The following KIAA0586 variants were observed in gnomAD, a reference collection of about 807,000 sequenced individuals.
KIAA0586 encodes the protein protein TALPID3.
KIAA0586 carries 144 observed loss-of-function variants against 169.8 expected under a neutral mutation model. The ratio of observed to expected loss-of-function variants is 0.85; its 90% CI spans 0.74 to 0.97. The LOEUF is 0.97. KIAA0586 is among the 50% of genes least tolerant of loss of function. The pLI is 0.00. For missense variants in KIAA0586, 1,854 were observed against 1,823.0 expected (o/e 1.02, Z -0.31); for synonymous variants, 625 against 612.4 (o/e 1.02, Z -0.30).
chr14:58,442,126 T>A (rs2038437727), intron 4 of KIAA0586: 1 of 152,470 alleles, frequency 6.6e-6, no homozygotes, highest in Non-Finnish European at 1.5e-5. Flanking sequence ...TTTGTTTGTT[T>A]TGAGACAGAG....
At chr14:58,561,264 C>T in the KIAA0586 span, among the ~76,000 whole-genome samples, 1 of 152,040 alleles carries the variant, frequency 6.6e-6, no homozygotes, top group African/African-American at 2.4e-5. Context: ...GTTGGTTTTC[C>T]TTTTTCTTGC....
In KIAA0586 at chr14:58,444,913, A is replaced by AG. The variant is rs71448955; in HGVS notation, c.807+740dup. Reference sequence around the variant, plus strand: ...TTGATGTAGCAAGACCTCATCTCTTAGGAAAAAAAAAAAAAAAAAAAAAAA... The same window carrying AG: ...TTGATGTAGCAAGACCTCATCTCTTAGGGAAAAAAAAAAAAAAAAAAAAAAA... On this transcript the variant is annotated intron_variant, in intron 6 of 30. Transcript: ENST00000652326. Among the ~76,000 whole-genome samples the AG allele has an allele frequency of 6.9e-3, 572 of 82,484 alleles. 84 individuals carry two copies. The highest frequency in any genetic ancestry group is 0.013 in the South Asian group (28 of 2,082). The allele number at this position is 82,484 out of a possible 152,430, so 54.1% of individuals were successfully genotyped here.
At position 58,542,435 on chromosome 14, in the gene KIAA0586, C is replaced by T. The variant is rs1004603447; in HGVS notation, c.4495+2299C>T. Among the ~76,000 whole-genome samples, 16 of 151,952 alleles carry T rather than the reference C, an allele frequency of 1.1e-4. No individual in the cohort carries two copies. In the East Asian group the frequency reaches 2.9e-3, roughly 28 times the overall value. ...GAGGTTGCAGTGAGCCAAGATCATG[C>T]CATTGCACTCCAGCCTGGGTGACAG... On this transcript the variant is annotated intron_variant, in intron 30 of 30. Transcript: ENST00000652326.
intron 6 of KIAA0586, among the ~76,000 whole-genome samples, chr14:58,447,626 T>C (rs1488530255): frequency 6.6e-6 from 1 of 151,510 alleles, no homozygotes; most frequent in Non-Finnish European, 1.5e-5. Flanking sequence ...GATTACAGGC[T>C]CCCACCACCA....
At chr14:58,537,020 G>T in intron 29 of KIAA0586, 1 of 1,276,678 alleles carries the variant, frequency 7.8e-7, no homozygotes. Context: ...TGATCAGCAG[G>T]ATAAAGAATT....
At chr14:58,495,194 T>G (rs2043082196) in intron 26 of KIAA0586, among the ~76,000 whole-genome samples, 1 of 152,214 alleles carries the variant, frequency 6.6e-6, no homozygotes, top group Non-Finnish European at 1.5e-5. Flanking sequence ...GAAGTTAGAA[T>G]TCTATCTTCT....
Position 58,539,822 on chromosome 14 carries a change from T to A in KIAA0586, c.4430-249T>A, listed in dbSNP as rs1402392027. ...TTCAGATTTTCTCATGACCCTTTGCTTCCCCCCCCCATCTGTGATGCATAA... is the reference window on the plus strand; with the variant it reads ...TTCAGATTTTCTCATGACCCTTTGCATCCCCCCCCCATCTGTGATGCATAA... On this transcript the variant is annotated intron_variant, in intron 29 of 30. Transcript: ENST00000652326. 2.6e-5 allele frequency: 8 copies of A among 304,858 alleles called. No homozygotes were observed. In the Admixed American group the frequency reaches 2.9e-4, roughly 11 times the overall value. The allele number at this position is 304,858 out of a possible 1,614,324, so 18.9% of individuals were successfully genotyped here.
chr14:58,453,464 A>T lies in KIAA0586; in HGVS notation c.1244A>T (p.Lys415Ile). 1 of 1,510,000 alleles carries T rather than the reference A, an allele frequency of 6.6e-7. No homozygotes were observed. Among genetic ancestry groups the T allele is most frequent in the Non-Finnish European group, 8.8e-7 (1 of 1,133,396 alleles). 93.5% of individuals were successfully genotyped at this position (1,510,000 alleles called of 1,614,324 possible). ...TRSKIGWTPE[K>I]TNRFPSCEEL... ...TCAAAAATAGGATGGACTCCTGAGA[A>T]AACAAACAGGTAAAAACAAGAGATT... is the stretch of plus-strand genomic sequence containing the variant. Residue 415 changes from lysine (K) to isoleucine (I), a missense_variant, in exon 9 of 31, where the codon AAA becomes ATA. Transcript: ENST00000652326.
At chr14:58,513,118 T>G (rs2044508366) in intron 29 of KIAA0586, among the ~76,000 whole-genome samples, 1 of 152,060 alleles carries the variant, frequency 6.6e-6, no homozygotes, top group African/African-American at 2.4e-5. Context: ...TACCTTTAAT[T>G]CCACAGTCAG....
chr14:58,482,077 G>A (rs562232549), intron 20 of KIAA0586, among the ~76,000 whole-genome samples: 3 of 151,616 alleles, frequency 2.0e-5, no homozygotes, highest in South Asian at 2.1e-4. Flanking sequence ...CTCCCAAAGT[G>A]CTGGGATTAC....
chr14:58,536,301 T>C (rs1392788490), intron 29 of KIAA0586, among the ~76,000 whole-genome samples: 1 of 152,084 alleles, frequency 6.6e-6, no homozygotes, highest in Non-Finnish European at 1.5e-5. Flanking sequence ...CTGCCCCCCC[T>C]TCGCTGGCTT....
intron 29 of KIAA0586, among the ~76,000 whole-genome samples, chr14:58,527,007 T>C (rs2045634570): frequency 6.6e-6 from 1 of 151,966 alleles, no homozygotes; most frequent in South Asian, 2.1e-4. Context: ...GAGAAGAACA[T>C]AAATGACCTG....
chr14:58,551,683 T>C (rs2140172196), downstream of KIAA0586, among the ~76,000 whole-genome samples: 1 of 152,194 alleles, frequency 6.6e-6, no homozygotes, highest in South Asian at 2.1e-4. Flanking sequence ...GGAGAATTGC[T>C]TGAACCCAGG....
intron 30 of KIAA0586, among the ~76,000 whole-genome samples, chr14:58,541,019 A>G (rs182617319): frequency 2.3e-4 from 35 of 152,346 alleles, no homozygotes; most frequent in Non-Finnish European, 1.3e-4. Flanking sequence ...GTGTACAGGA[A>G]AAATGCTTCA....
rs1381385277 is a variant in KIAA0586, at chr14:58,550,526, G to A, written c.*2594G>A. On this transcript the variant is annotated 3_prime_UTR_variant, in exon 31 of 31. Transcript: ENST00000652326. ...AGACATGCTATTAAGAGACTATCAA[G>A]ATCAAGGCTGTTACTATTGCTGGGC... 1 of 151,970 alleles carries A rather than the reference G, an allele frequency of 6.6e-6. No homozygotes were observed. Among genetic ancestry groups the A allele is most frequent in the African/African-American group, 2.4e-5 (1 of 41,370 alleles). 9.4% of individuals were successfully genotyped at this position (151,970 alleles called of 1,614,324 possible). A position where few individuals can be genotyped will look rare whatever the true frequency, so the allele number is the denominator to read the frequency against.
intron 19 of KIAA0586, among the ~76,000 whole-genome samples, chr14:58,475,549 A>G (rs1339308995): frequency 6.6e-6 from 1 of 152,140 alleles, no homozygotes; most frequent in African/African-American, 2.4e-5. Context: ...AAGCTGTAAT[A>G]TGTTATTATT....
At chr14:58,470,039 T>A (rs2041084770) in intron 16 of KIAA0586, among the ~76,000 whole-genome samples, 1 of 151,594 alleles carries the variant, frequency 6.6e-6, no homozygotes, top group Non-Finnish European at 1.5e-5. Flanking sequence ...TATCTGGCTA[T>A]CTAGTATAGT....
In KIAA0586 at chr14:58,548,203, T is replaced by G. The variant is rs1488537091; in HGVS notation, c.*271T>G. On this transcript the variant is annotated 3_prime_UTR_variant, in exon 31 of 31. Coordinates refer to ENST00000652326, the MANE Select transcript of KIAA0586 (RefSeq NM_001329943.3). The stretch of plus-strand genomic sequence containing the variant: ...GGGCATGGCTTTTGACATCTAGGCA[T>G]TTAATCTATAGGTGTAATTATCTGT... 2 of 339,956 alleles carry G rather than the reference T, an allele frequency of 5.9e-6. No individual in the cohort carries two copies. The highest frequency in any genetic ancestry group is 1.1e-5 in the Non-Finnish European group (2 of 188,946). 21.1% of individuals were successfully genotyped at this position (339,956 alleles called of 1,614,324 possible).
chr14:58,514,863 ATT>A (rs1178123092), intron 29 of KIAA0586, among the ~76,000 whole-genome samples: 2 of 151,916 alleles, frequency 1.3e-5, no homozygotes, highest in Non-Finnish European at 2.9e-5. Context: ...GGTCATTTCT[ATT>A]TTTCCCCCTT....
Sources: gnomAD v4.1 joint callset for allele counts (sites outside exome capture counted in the v4.1 genomes callset) on GRCh38, gnomAD v4.1.1 for gene constraint, MANE v1.5 for transcripts, NCBI Gene and HGNC (gene_info 2026-07-23, HGNC 2026-07-21) for gene names.